ARMH3: variants seen among roughly 807,000 people sequenced by gnomAD.
ARMH3 encodes armadillo-like helical domain-containing protein 3.
A neutral mutation model predicts 99.1 loss-of-function variants in ARMH3; 60 were observed. The ratio of observed to expected loss-of-function variants is 0.61; its 90% CI spans 0.49 to 0.75. The LOEUF is 0.75. ARMH3 is among the 30% of genes least tolerant of loss of function. The pLI is 0.00. For synonymous variants in ARMH3, 285 were observed against 292.8 expected (o/e 0.97, Z 0.27); for missense variants, 679 against 843.1 (o/e 0.81, Z 2.41).
intron 5 of ARMH3, chr10:102,029,306 T>G (rs2067069960): frequency 1.1e-5 from 9 of 840,972 alleles, no homozygotes; most frequent in Non-Finnish European, 1.6e-5. Context: ...AAGCTTAAAG[T>G]TTAGAATTAA....
intron 15 of ARMH3, among the ~76,000 whole-genome samples, chr10:102,000,543 G>A (rs1436959365): frequency 3.3e-5 from 5 of 150,568 alleles, no homozygotes; most frequent in Admixed American, 2.0e-4. Context: ...CAGATCACTT[G>A]AGCCCAGGAG....
intron 20 of ARMH3, among the ~76,000 whole-genome samples, chr10:101,962,971 T>C (rs1436210241): frequency 4.6e-4 from 33 of 71,324 alleles, no homozygotes; most frequent in African/African-American, 1.8e-3. Flanking sequence ...TCTTTTTTTC[T>C]TTTTTTTTTT....
chr10:102,054,388 C>CAAAAA lies in ARMH3; in HGVS notation c.-12+1692_-12+1696dup, dbSNP rs1199918958. Among the ~76,000 whole-genome samples the CAAAAA allele has an allele frequency of 4.2e-5, 3 of 70,746 alleles. No individual in the cohort carries two copies. In the South Asian group the frequency reaches 1.2e-3, roughly 29 times the overall value. 46.4% of individuals were successfully genotyped at this position (70,746 alleles called of 152,430 possible). On this transcript the variant is annotated intron_variant, in intron 1 of 25. Coordinates refer to ENST00000370033, the MANE Select transcript of ARMH3 (RefSeq NM_024541.3). The stretch of plus-strand genomic sequence containing the variant: ...TGGGCGACAGAGCGAGACTCCGTCT[C>CAAAAA]AAAAAAAAAAAAAAAAAGTTGAACA...
At chr10:101,849,036 T>C (rs2066524550) in intron 25 of ARMH3, among the ~76,000 whole-genome samples, 1 of 152,160 alleles carries the variant, frequency 6.6e-6, no homozygotes, top group South Asian at 2.1e-4. Flanking sequence ...ACAATTGGCA[T>C]GGGGTAAGTA....
intron 19 of ARMH3, among the ~76,000 whole-genome samples, chr10:101,989,352 C>A (rs1846661478): frequency 1.3e-5 from 2 of 151,682 alleles, no homozygotes; most frequent in Non-Finnish European, 2.9e-5. Context: ...CTGGGCAACA[C>A]AGTGAGGCCC....
intron 15 of ARMH3, 54 bp downstream of exon 15, chr10:102,001,917 T>G: frequency 6.7e-7 from 1 of 1,484,824 alleles, no homozygotes. Context: ...TCTTTGATGC[T>G]AGCTGCCTGC....
intron 24 of ARMH3, among the ~76,000 whole-genome samples, chr10:101,881,067 C>T (rs975915916): frequency 6.6e-6 from 1 of 152,134 alleles, no homozygotes; most frequent in Admixed American, 6.5e-5. Context: ...CATGTTATTT[C>T]CTTAATTTTC....
chr10:101,914,090 T>C (rs1179920683), intron 23 of ARMH3, among the ~76,000 whole-genome samples: 6 of 152,162 alleles, frequency 3.9e-5, no homozygotes. Flanking sequence ...ACTAATTAAG[T>C]GTTGGCCAAG....
At chr10:102,036,575 C>T (rs926798708) in intron 2 of ARMH3, among the ~76,000 whole-genome samples, 4 of 152,072 alleles carry the variant, frequency 2.6e-5, no homozygotes, top group Non-Finnish European at 4.4e-5. Flanking sequence ...TGACCTTGCC[C>T]CCAGCCCTGT....
intron 23 of ARMH3, among the ~76,000 whole-genome samples, chr10:101,928,065 T>C (rs1179394054): frequency 1.3e-5 from 2 of 151,794 alleles, no homozygotes; most frequent in African/African-American, 2.4e-5. Context: ...AGCGAGACTG[T>C]CTCAAAAATA....
intron 20 of ARMH3, among the ~76,000 whole-genome samples, chr10:101,966,469 GC>G (rs1440080636): frequency 6.6e-6 from 1 of 151,664 alleles, no homozygotes; most frequent in Non-Finnish European, 1.5e-5. Flanking sequence ...TAGAGACAGG[GC>G]TCCACCAGGC....
chr10:101,981,051 G>T (rs1846205039), intron 19 of ARMH3, among the ~76,000 whole-genome samples: 1 of 151,020 alleles, frequency 6.6e-6, no homozygotes, highest in Non-Finnish European at 1.5e-5. Context: ...ACACACTAGG[G>T]CCTGTTGGGG....
At chr10:101,937,138 C>A (rs1844017349) in intron 23 of ARMH3, among the ~76,000 whole-genome samples, 1 of 152,172 alleles carries the variant, frequency 6.6e-6, no homozygotes, top group African/African-American at 2.4e-5. Context: ...TTCTGTTTAA[C>A]CCTCCATGTT....
intron 15 of ARMH3, among the ~76,000 whole-genome samples, chr10:102,001,128 T>C (rs552715249): frequency 8.1e-4 from 124 of 152,196 alleles, no homozygotes; most frequent in African/African-American, 2.9e-3. Flanking sequence ...GTGATGATGG[T>C]TGTACAAAAA....
At chr10:102,018,584 G>A (rs188238560) in intron 8 of ARMH3, among the ~76,000 whole-genome samples, 4 of 152,230 alleles carry the variant, frequency 2.6e-5, no homozygotes, top group East Asian at 3.9e-4. Flanking sequence ...ATAGTGCAAC[G>A]CATTCATTAC....
At chr10:101,893,686 GGAA>G (rs1413859888) in intron 23 of ARMH3, among the ~76,000 whole-genome samples, 3 of 151,874 alleles carry the variant, frequency 2.0e-5, no homozygotes, top group Non-Finnish European at 4.4e-5. Flanking sequence ...AAAAGAGAGA[GGAA>G]GAAGAGAGGG....
At chr10:101,931,322 A>C (rs1843712527) in intron 23 of ARMH3, among the ~76,000 whole-genome samples, 1 of 152,202 alleles carries the variant, frequency 6.6e-6, no homozygotes, top group African/African-American at 2.4e-5. Context: ...CAGTAGTTCA[A>C]GACCAGCCTG....
chr10:101,983,192 C>A (rs903526503), intron 19 of ARMH3, among the ~76,000 whole-genome samples: 5 of 152,222 alleles, frequency 3.3e-5, no homozygotes, highest in African/African-American at 1.2e-4. Context: ...GCATGATTAG[C>A]GAGCTGGGCT....
chr10:101,960,074 A>T (rs1002848576), intron 20 of ARMH3, among the ~76,000 whole-genome samples: 5 of 152,048 alleles, frequency 3.3e-5, no homozygotes, highest in Admixed American at 3.3e-4. Flanking sequence ...GCTACTCGAG[A>T]GGCTGAGGCA....
Sources: gnomAD v4.1 joint callset for allele counts (sites outside exome capture counted in the v4.1 genomes callset) on GRCh38, gnomAD v4.1.1 for gene constraint, MANE v1.5 for transcripts, NCBI Gene and HGNC (gene_info 2026-07-23, HGNC 2026-07-21) for gene names.